Variants in SYTL2 observed in about 807,000 individuals in gnomAD.
The protein encoded by SYTL2 is synaptotagmin like 2.
SYTL2 carries 165 observed loss-of-function variants against 198.7 expected under a neutral mutation model. That is an observed-to-expected ratio of 0.83 (90% confidence interval 0.73 to 0.94). The LOEUF is 0.94. SYTL2 is among the 40% of genes least tolerant of loss of function. SYTL2 has a pLI of 0.00. For missense variants in SYTL2, 2,835 were observed against 2,582.8 expected (o/e 1.10, Z -2.12); for synonymous variants, 966 against 917.7 (o/e 1.05, Z -0.95).
chr11:85,733,089 T>G (rs1271118026), intron 7 of SYTL2, among the ~76,000 whole-genome samples: 1 of 152,156 alleles, frequency 6.6e-6, no homozygotes, highest in Non-Finnish European at 1.5e-5. Context: ...TTTTAAAGCC[T>G]AAGAACAAAT....
chr11:85,746,016 G>T (rs1181484234), intron 3 of SYTL2, among the ~76,000 whole-genome samples: 2 of 152,160 alleles, frequency 1.3e-5, no homozygotes, highest in African/African-American at 4.8e-5. Context: ...AAATGTGAGA[G>T]TAACTCCAGA....
At position 85,734,257 on chromosome 11, in the gene SYTL2, T is replaced by A; in HGVS notation, c.1072A>T (p.Ser358Cys). ...TTCAATCTGTCAGATTCTAAAACAC[T>A]AAATTCTCCTACTTCCCGACCATGG... ...LIHGREVGEF[S>C]VLESDRLKNG... Residue 358 changes from serine (S) to cysteine (C), a missense_variant, in exon 7 of 20, where the codon AGT becomes TGT. By Grantham distance (112) the Ser-to-Cys change is moderately radical (BLOSUM62 -1). Coordinates refer to ENST00000359152, the MANE Select transcript of SYTL2 (RefSeq NM_206927.4). 5 of 1,614,194 alleles carry A rather than the reference T, an allele frequency of 3.1e-6. No homozygotes were observed. Among genetic ancestry groups the A allele is most frequent in the Non-Finnish European group, 4.2e-6 (5 of 1,180,012 alleles).
Position 85,783,123 on chromosome 11 carries a change from T to C in SYTL2, c.-389-25009A>G, listed in dbSNP as rs189314661. On this transcript the variant is annotated intron_variant, in intron 1 of 19. Coordinates refer to ENST00000359152, the MANE Select transcript of SYTL2 (RefSeq NM_206927.4). The stretch of plus-strand genomic sequence containing the variant: ...TAATAAAGACATACCCGAGACTGGG[T>C]AACTTATAAAGGAAAAAGGTTTAAT... 1.4e-4 allele frequency among the ~76,000 whole-genome samples: 21 copies of C among 152,228 alleles called. No homozygotes were observed. The South Asian group carries it at 2.5e-3, about 18-fold the overall frequency.
At chr11:85,821,679 A>G in the SYTL2 span, among the ~76,000 whole-genome samples, 3 of 152,234 alleles carry the variant, frequency 2.0e-5, no homozygotes, top group Non-Finnish European at 4.4e-5. Flanking sequence ...CAGGAGCTAT[A>G]TATATGTCCA....
Position 85,726,316 on chromosome 11 carries a change from A to G in SYTL2, c.3042T>C (p.Pro1014=). ...ITTTSQKNSA[P]FNRQKHKEFS... is the part of the protein sequence containing the mutation. Reference sequence around the variant, plus strand: ...ATTCCTTGTGTTTCTGCCTATTAAAAGGTGCAGAATTTTTTTGGCTTGTGG... The same window carrying G: ...ATTCCTTGTGTTTCTGCCTATTAAAGGGTGCAGAATTTTTTTGGCTTGTGG... The change falls in exon 8 of 20, where the codon CCT becomes CCC. Residue 1014 remains proline, a synonymous_variant. Coordinates refer to ENST00000359152, the MANE Select transcript of SYTL2 (RefSeq NM_206927.4). 14 of 1,614,100 alleles carry G rather than the reference A, an allele frequency of 8.7e-6. 1 individual carries two copies. Among genetic ancestry groups the G allele is most frequent in the Non-Finnish European group, 1.2e-5 (14 of 1,179,994 alleles).
intron 1 of SYTL2, among the ~76,000 whole-genome samples, chr11:85,810,007 G>A (rs929127466): frequency 1.3e-5 from 2 of 152,204 alleles, no homozygotes. Flanking sequence ...TCCTGGTGGG[G>A]AATGGCTGCC....
At chr11:85,752,201 A>G (rs1283166204) in intron 2 of SYTL2, among the ~76,000 whole-genome samples, 1 of 152,192 alleles carries the variant, frequency 6.6e-6, no homozygotes, top group African/African-American at 2.4e-5. Flanking sequence ...TGACTGGTCT[A>G]TTCTCCAGCC....
intron 1 of SYTL2, among the ~76,000 whole-genome samples, chr11:85,804,565 T>A (rs2153655719): frequency 6.6e-6 from 1 of 152,300 alleles, no homozygotes; most frequent in East Asian, 1.9e-4. Context: ...AATAGATTAT[T>A]GTGAGGATTA....
chr11:85,733,256 G>A (rs2089986375), intron 7 of SYTL2, among the ~76,000 whole-genome samples: 1 of 152,166 alleles, frequency 6.6e-6, no homozygotes, highest in Non-Finnish European at 1.5e-5. Context: ...TTTGCATTAG[G>A]TGAGTAATAA....
chr11:85,853,300 A>G, the SYTL2 span: 1 of 442,336 alleles, frequency 2.3e-6, no homozygotes, highest in African/African-American at 2.1e-5. Context: ...AGGAGACTCC[A>G]TTTTGTTCTG....
Position 85,734,421 on chromosome 11 carries a change from G to A in SYTL2, c.908C>T (p.Pro303Leu). The A allele has an allele frequency of 1.2e-6, 2 of 1,614,190 alleles. No homozygotes were observed. Among genetic ancestry groups the A allele is most frequent in the Non-Finnish European group, 1.7e-6 (2 of 1,180,016 alleles). ...NFEPKSKIVS[P>L]GLTIHERISE... ...AATTCTCTCATGGATGGTTAGGCCAGGTGACACAATTTTGCTTTTGGGTTC... is the reference window on the plus strand; with the variant it reads ...AATTCTCTCATGGATGGTTAGGCCAAGTGACACAATTTTGCTTTTGGGTTC... The change falls in exon 7 of 20, where the codon CCT becomes CTT. Residue 303 changes from proline to leucine, a missense_variant. Pro to Leu is a moderately conservative substitution (Grantham distance 98, BLOSUM62 -3). This residue lies in a region of SYTL2 where 2,645 missense variants were observed against 2,381.7 expected (regional missense o/e 1.11). Coordinates refer to ENST00000359152, the MANE Select transcript of SYTL2 (RefSeq NM_206927.4).
chr11:85,818,981 T>G, the SYTL2 span, among the ~76,000 whole-genome samples: 1 of 152,212 alleles, frequency 6.6e-6, no homozygotes, highest in Admixed American at 6.5e-5. Flanking sequence ...CTCGGTGTCC[T>G]TATCTCTAAA....
At chr11:85,823,260 A>G in the SYTL2 span, among the ~76,000 whole-genome samples, 1 of 152,260 alleles carries the variant, frequency 6.6e-6, no homozygotes, top group Non-Finnish European at 1.5e-5. Context: ...TAAATAATTG[A>G]TGAGTGTTTG....
At chr11:85,850,904 T>C in the SYTL2 span, among the ~76,000 whole-genome samples, 8 of 150,184 alleles carry the variant, frequency 5.3e-5, no homozygotes, top group Non-Finnish European at 1.2e-4. Context: ...GAAATCATCA[T>C]TCTCAGTAAA....
intron 15 of SYTL2, among the ~76,000 whole-genome samples, chr11:85,706,167 T>C (rs1267065064): frequency 6.6e-6 from 1 of 152,234 alleles, no homozygotes; most frequent in Non-Finnish European, 1.5e-5. Context: ...AGGATCAAGA[T>C]TTATTAAATG....
At chr11:85,850,046 G>C in the SYTL2 span, among the ~76,000 whole-genome samples, 2 of 146,466 alleles carry the variant, frequency 1.4e-5, no homozygotes, top group Admixed American at 1.4e-4. Context: ...TCTCTTTGAA[G>C]CAATTGTGAA....
rs2089010409 is a variant in SYTL2 at position 85,725,458 on chromosome 11, C to G, written c.3900G>C (p.Gln1300His). The change falls in exon 8 of 20, where the codon CAG becomes CAC. Residue 1300 changes from glutamine (Q) to histidine (H), a missense_variant. Physicochemically the swap from Gln to His is conservative, Grantham distance 24 (BLOSUM62 0). Coordinates refer to ENST00000359152, the MANE Select transcript of SYTL2 (RefSeq NM_206927.4). ...ATGGATGAGAATCTTCTGCAGCCAT[C>G]TGAATCAAATTCTGTGTGCTTAGCT... ...ECQLSTQNLI[Q>H]MAAEDSHPLD... 1.2e-6 allele frequency: 2 copies of G among 1,614,128 alleles called. No homozygotes were observed. The highest frequency in any genetic ancestry group is 3.3e-5 in the Admixed American group (2 of 60,028).
In SYTL2 at chr11:85,725,753, G is replaced by C; in HGVS notation, c.3605C>G (p.Pro1202Arg). 6.2e-7 allele frequency: 1 copy of C among 1,614,038 alleles called. No homozygotes were observed. The highest frequency in any genetic ancestry group is 8.5e-7 in the Non-Finnish European group (1 of 1,179,964). Residue 1202 changes from proline (P) to arginine (R), a missense_variant, in exon 8 of 20, where the codon CCA (proline) becomes CGA (arginine). Transcript: ENST00000359152. ...AGTCAAAGAGTTCCGTTTAACCTTT[G>C]GATGAACTACTGTTTTGTCAACATG... ...NEHVDKTVVH[P>R]KVKRNSLTAS...
chr11:85,798,893 C>T (rs1261662913), intron 1 of SYTL2, among the ~76,000 whole-genome samples: 1 of 152,180 alleles, frequency 6.6e-6, no homozygotes, highest in Non-Finnish European at 1.5e-5. Flanking sequence ...ATATTGCTTG[C>T]ACAAACAGTT....
Sources: allele counts gnomAD v4.1 joint callset (sites outside exome capture counted in the v4.1 genomes callset), GRCh38; gene constraint gnomAD v4.1.1; regional missense constraint gnomAD v4.1.1; transcripts MANE v1.5; gene names NCBI Gene and HGNC (gene_info 2026-07-23, HGNC 2026-07-21).